POC1A: variants seen among roughly 807,000 people sequenced by gnomAD.
The protein encoded by POC1A is POC1 centriolar protein A.
A neutral mutation model predicts 47.8 loss-of-function variants in POC1A; 34 were observed. That is an observed-to-expected ratio of 0.71 (90% CI 0.54 to 0.95). The LOEUF (loss-of-function observed/expected upper bound fraction) is 0.95, where lower values mean the gene tolerates loss of function less well. Among genes scored for constraint, POC1A ranks in the 40% least tolerant of loss-of-function variants. The pLI is 0.00. For synonymous variants in POC1A, 177 were observed against 207.6 expected, an observed-to-expected ratio of 0.85 and a Z score of 1.27; for missense variants, 466 against 528.3, an observed-to-expected ratio of 0.88 and a Z score of 1.16.
intron 9 of POC1A, among the ~76,000 whole-genome samples, chr3:52,106,134 G>T (rs1329408476): frequency 1.4e-5 from 2 of 143,354 alleles, no homozygotes; most frequent in African/African-American, 5.2e-5. Flanking sequence ...GGCGGAGCTT[G>T]CAGTGAGCCG....
chr3:52,109,419 T>C (rs1294521764), intron 9 of POC1A, among the ~76,000 whole-genome samples: 2 of 152,166 alleles, frequency 1.3e-5, no homozygotes, highest in African/African-American at 2.4e-5. Flanking sequence ...CATTATTCTA[T>C]CTTTTGTGCT....
chr3:52,089,199 G>A lies in POC1A; in HGVS notation c.1125+7370C>T, dbSNP rs528289089. Among the ~76,000 whole-genome samples the A allele has an allele frequency of 4.6e-5, 7 of 152,028 alleles. No individual in the cohort carries two copies. The South Asian group carries it at 6.2e-4, about 14-fold the overall frequency. On this transcript the variant is annotated intron_variant, in intron 10 of 10. Transcript: ENST00000296484. The stretch of plus-strand genomic sequence containing the variant: ...AGGCAGGGCACTGGCCCTGACCTGC[G>A]ACTTGGGGAAGACACAGGCTCCCCT...
chr3:52,104,618 G>T (rs1010434422), intron 9 of POC1A, among the ~76,000 whole-genome samples: 19 of 152,200 alleles, frequency 1.2e-4, no homozygotes, highest in African/African-American at 4.1e-4. Flanking sequence ...GCTCTCCACT[G>T]GGCATTACCA....
At chr3:52,151,273 T>A in intron 1 of POC1A, 173 bp from the exon 2 acceptor site, 1 of 868,330 alleles carries the variant, frequency 1.2e-6, no homozygotes, top group South Asian at 2.1e-5. Flanking sequence ...CTAGGAATAG[T>A]TTTTACTATT....
At chr3:52,099,484 T>A (rs1215965486) in intron 9 of POC1A, among the ~76,000 whole-genome samples, 1 of 152,208 alleles carries the variant, frequency 6.6e-6, no homozygotes, top group Non-Finnish European at 1.5e-5. Context: ...CACATCAGCA[T>A]TTTGTCTGTT....
chr3:52,148,949 G>A (rs1387392160), intron 4 of POC1A, among the ~76,000 whole-genome samples: 1 of 152,210 alleles, frequency 6.6e-6, no homozygotes, highest in Non-Finnish European at 1.5e-5. Flanking sequence ...TTTGTGCTTT[G>A]CCAACACAGA....
chr3:52,146,294 A>C (rs931950689), intron 5 of POC1A, among the ~76,000 whole-genome samples: 1 of 152,250 alleles, frequency 6.6e-6, no homozygotes, highest in Admixed American at 6.5e-5. Flanking sequence ...TACCCTTCCC[A>C]GGGGTGGCTG....
In POC1A at chr3:52,149,274, C is replaced by A. The variant is rs371756434; in HGVS notation, c.391G>T (p.Ala131Ser). The change falls in exon 4 of 11, where the codon GCA (alanine) becomes TCA (serine). Residue 131 changes from alanine to serine, a missense_variant. Coordinates refer to ENST00000296484, the MANE Select transcript of POC1A (RefSeq NM_015426.5). The part of the protein sequence containing the change: ...ASDDKTVKVW[A>S]THRQKFLFSL... ...AACAGGAATTTCTGGCGATGAGTTG[C>A]CCACACTTTGACTGTCTTGTCGTCA... 1.9e-6 allele frequency: 3 copies of A among 1,614,134 alleles called. No homozygotes were observed. The highest frequency in any genetic ancestry group is 2.5e-6 in the Non-Finnish European group (3 of 1,179,998).
At chr3:52,095,140 A>G (rs543351212) in intron 10 of POC1A, among the ~76,000 whole-genome samples, 1 of 152,322 alleles carries the variant, frequency 6.6e-6, no homozygotes, top group East Asian at 1.9e-4. Flanking sequence ...GAGGCTGTGA[A>G]AAACATGAGG....
chr3:52,079,170 G>A lies in POC1A; in HGVS notation c.1126-3185C>T, dbSNP rs1312415967. ...AGAATGTATATGATCTTTACCTGTC[G>A]GTTCACAACAAAAAGTAAGCACATC... On this transcript the variant is annotated intron_variant, in intron 10 of 10. Coordinates refer to ENST00000296484, the MANE Select transcript of POC1A (RefSeq NM_015426.5). The surrounding 1 kb of genome is among the most constrained non-coding windows in gnomAD (Gnocchi z 4.6). Among the ~76,000 whole-genome samples the A allele has an allele frequency of 6.6e-6, 1 of 152,202 alleles. No individual in the cohort carries two copies. The highest frequency in any genetic ancestry group is 1.5e-5 in the Non-Finnish European group (1 of 68,036).
intron 9 of POC1A, among the ~76,000 whole-genome samples, chr3:52,098,177 T>C (rs1431099979): frequency 6.6e-6 from 1 of 152,192 alleles, no homozygotes; most frequent in Non-Finnish European, 1.5e-5. Context: ...AGCAGGCCTT[T>C]CTTAAGAAAT....
At chr3:52,144,648 G>A (rs1263396512) in intron 6 of POC1A, among the ~76,000 whole-genome samples, 1 of 152,126 alleles carries the variant, frequency 6.6e-6, no homozygotes, top group Non-Finnish European at 1.5e-5. Context: ...CACCTCCTGT[G>A]AGACAGGCCC....
intron 10 of POC1A, among the ~76,000 whole-genome samples, chr3:52,092,038 G>A (rs1174382183): frequency 6.6e-6 from 1 of 152,208 alleles, no homozygotes; most frequent in Non-Finnish European, 1.5e-5. Context: ...GCTCCCCACA[G>A]CTGGTGGGGA....
intron 7 of POC1A, among the ~76,000 whole-genome samples, chr3:52,127,108 T>C (rs1416314266): frequency 6.6e-6 from 1 of 152,208 alleles, no homozygotes; most frequent in East Asian, 1.9e-4. Context: ...CCAGCAGCCC[T>C]GGGAATCCTA....
At chr3:52,103,674 T>C (rs1028193778) in intron 9 of POC1A, among the ~76,000 whole-genome samples, 2 of 151,936 alleles carry the variant, frequency 1.3e-5, no homozygotes, top group African/African-American at 4.8e-5. Flanking sequence ...AAAGAAAAAA[T>C]TGATAAAATG....
chr3:52,137,892 G>C (rs1438610311), intron 7 of POC1A, among the ~76,000 whole-genome samples: 2 of 152,230 alleles, frequency 1.3e-5, no homozygotes, highest in Non-Finnish European at 2.9e-5. Flanking sequence ...GGATGGCTGA[G>C]GCCATTAGGG....
chr3:52,117,119 CAG>C (rs1287198498), intron 9 of POC1A, among the ~76,000 whole-genome samples: 1 of 150,910 alleles, frequency 6.6e-6, no homozygotes, highest in Non-Finnish European at 1.5e-5. Context: ...ATCCAGGAGG[CAG>C]AGATTATAGT....
intron 9 of POC1A, among the ~76,000 whole-genome samples, chr3:52,115,114 C>T (rs1297246207): frequency 6.6e-6 from 1 of 152,060 alleles, no homozygotes; most frequent in Non-Finnish European, 1.5e-5. Flanking sequence ...GACTTGCCTG[C>T]AGCAGGCAGG....
At chr3:52,137,983 C>T (rs1704536411) in intron 7 of POC1A, among the ~76,000 whole-genome samples, 186 bp downstream of exon 7, 1 of 152,198 alleles carries the variant, frequency 6.6e-6, no homozygotes. Context: ...CAATTCAACT[C>T]TTATATACCC....
Sources: gnomAD v4.1 joint callset for allele counts (sites outside exome capture counted in the v4.1 genomes callset) on GRCh38, gnomAD v4.1.1 for gene constraint, Gnocchi (gnomAD v3.1) non-coding constraint, MANE v1.5 for transcripts, NCBI Gene and HGNC (gene_info 2026-07-23, HGNC 2026-07-21) for gene names.